Variants in NOTCH2NLR observed in about 807,000 individuals in gnomAD.
NOTCH2NLR encodes the protein notch 2 N-terminal like R, also known as notch 2 N-terminal like R (pseudogene).
NOTCH2NLR carries 33 observed loss-of-function variants against 35.6 expected under a neutral mutation model. The observed-to-expected ratio is 0.93, with a 90% CI of 0.70 to 1.24. The LOEUF (loss-of-function observed/expected upper bound fraction) is 1.24. NOTCH2NLR is among the 50% of genes most tolerant of loss of function. NOTCH2NLR has a pLI of 0.00. For missense variants in NOTCH2NLR, 276 were observed against 362.2 expected, an observed-to-expected ratio of 0.76 and a Z score of 1.93; for synonymous variants, 103 against 141.0, an observed-to-expected ratio of 0.73 and a Z score of 1.91.
At chr1:120,785,201 C>T in exon 3 of NOTCH2NLR, 1 of 1,445,482 alleles carries the variant, frequency 6.9e-7, no homozygotes, top group Non-Finnish European at 9.2e-7. Flanking sequence ...AGCCGGGATA[C>T]CTATGAGTGC....
intron 1 of NOTCH2NLR, among the ~76,000 whole-genome samples, chr1:120,759,149 G>C (rs1404879882): frequency 1.9e-5 from 1 of 52,480 alleles, no homozygotes; most frequent in Non-Finnish European, 3.0e-5. Flanking sequence ...ATATTAGATA[G>C]CTAGTTCCCA....
chr1:120,781,412 C>T (rs1247977930), intron 2 of NOTCH2NLR, among the ~76,000 whole-genome samples: 1 of 24,608 alleles, frequency 4.1e-5, no homozygotes, highest in Non-Finnish European at 6.5e-5. Context: ...TGTGTTAAGC[C>T]TTTTTCCATT....
chr1:120,752,519 A>AT (rs1651027767), intron 1 of NOTCH2NLR, among the ~76,000 whole-genome samples: 1 of 14,666 alleles, frequency 6.8e-5, no homozygotes, highest in African/African-American at 4.7e-4. Context: ...GAAGTTCAGG[A>AT]ATATATATAT....
chr1:120,764,139 C>T (rs1325612587), intron 2 of NOTCH2NLR, among the ~76,000 whole-genome samples: 3,492 of 110,636 alleles, frequency 0.032, 621 homozygotes, highest in African/African-American at 0.12. Flanking sequence ...CCCAGCTACT[C>T]GGGAGGCTGA....
Position 120,764,311 on chromosome 1 carries a change from G to C in NOTCH2NLR, c.155+602G>C, listed in dbSNP as rs1488259387. 1.6e-4 allele frequency among the ~76,000 whole-genome samples: 17 copies of C among 104,800 alleles called. 3 individuals carry two copies. Among genetic ancestry groups the C allele is most frequent in the Non-Finnish European group, 2.7e-4 (15 of 55,884 alleles). The allele number at this position is 104,800 out of a possible 152,430, so 68.8% of individuals were successfully genotyped here. A position where few individuals can be genotyped will look rare whatever the true frequency, so the allele number is the denominator to read the frequency against. ...GATTCCCTTGTGTTTTTCAGATTAA[G>C]GCATACTCTTAGAGTCTCCCCTTAA... On this transcript the variant is annotated intron_variant, in intron 2 of 4. Transcript: ENST00000624419.
At chr1:120,792,513 T>A (rs1651502863) in intron 3 of NOTCH2NLR, among the ~76,000 whole-genome samples, 1 of 110,526 alleles carries the variant, frequency 9.0e-6, no homozygotes, top group Non-Finnish European at 1.7e-5. Context: ...TTGATTTTTT[T>A]TTTTTTGAAA....
At chr1:120,765,405 C>T (rs1651180372) in intron 2 of NOTCH2NLR, among the ~76,000 whole-genome samples, 1 of 63,154 alleles carries the variant, frequency 1.6e-5, no homozygotes, top group Admixed American at 1.6e-4. Flanking sequence ...TAGTCTTATG[C>T]ATTTTTTGCA....
chr1:120,780,058 G>A (rs1270376771), intron 2 of NOTCH2NLR, among the ~76,000 whole-genome samples: 1 of 130,854 alleles, frequency 7.6e-6, no homozygotes, highest in African/African-American at 3.3e-5. Flanking sequence ...GATGGATTTT[G>A]TGGAACATTT....
At chr1:120,793,408 G>T in exon 4 of NOTCH2NLR, 1 of 1,441,842 alleles carries the variant, frequency 6.9e-7, no homozygotes. Context: ...GTGACAGACT[G>T]TATGTGCCCT....
At position 120,737,646 on chromosome 1, in the gene NOTCH2NLR, T is replaced by C. The variant is rs1164315925; in HGVS notation, c.73+13396T>C. 4.0e-4 allele frequency among the ~76,000 whole-genome samples: 44 copies of C among 110,344 alleles called. 8 individuals are homozygous for C. The highest frequency in any genetic ancestry group is 1.8e-3 in the African/African-American group (35 of 19,694). The allele number at this position is 110,344 out of a possible 152,430, so 72.4% of individuals were successfully genotyped here. A position where few individuals can be genotyped will look rare whatever the true frequency, so the allele number is the denominator to read the frequency against. On this transcript the variant is annotated intron_variant, in intron 1 of 4. Coordinates refer to ENST00000624419, the Ensembl canonical transcript of NOTCH2NLR. ...ATATTTAAAATTTCAATGACAGCAG[T>C]GAAAATAATTTGCCTGTGAACCTCT... is the stretch of plus-strand genomic sequence containing the variant.
At position 120,778,606 on chromosome 1, in the gene NOTCH2NLR, G is replaced by A. The variant is rs1385546258; in HGVS notation, c.156-6368G>A. ...TTTTTTTTTGAATGGCCAAATCCTC[G>A]TTTTAAAAAAAAAAAAAAAAAAAAA... On this transcript the variant is annotated intron_variant, in intron 2 of 4. Transcript: ENST00000624419. Among the ~76,000 whole-genome samples the A allele has an allele frequency of 2.1e-3, 35 of 16,416 alleles. 6 individuals carry two copies. The highest frequency in any genetic ancestry group is 3.8e-3 in the African/African-American group (5 of 1,324). 10.8% of individuals were successfully genotyped at this position (16,416 alleles called of 152,430 possible). A position where few individuals can be genotyped will look rare whatever the true frequency, so the allele number is the denominator to read the frequency against.
intron 1 of NOTCH2NLR, among the ~76,000 whole-genome samples, chr1:120,730,860 C>G (rs1650867725): frequency 3.1e-5 from 1 of 32,128 alleles, no homozygotes; most frequent in Non-Finnish European, 5.1e-5. Context: ...TGTGTTGTCA[C>G]ACTTAATTTG....
At chr1:120,761,264 T>C (rs1253550858) in intron 1 of NOTCH2NLR, among the ~76,000 whole-genome samples, 2 of 118,480 alleles carry the variant, frequency 1.7e-5, no homozygotes, top group East Asian at 4.5e-4. Context: ...TTCTGAGTCA[T>C]GGGTGGCTGG....
intron 1 of NOTCH2NLR, among the ~76,000 whole-genome samples, chr1:120,737,583 A>G (rs1355471181): frequency 2.9e-5 from 2 of 69,104 alleles, no homozygotes; most frequent in Non-Finnish European, 5.1e-5. Flanking sequence ...ACAACAGTAG[A>G]GGAGTAGAAA....
rs1651315188 is a variant in NOTCH2NLR, at chr1:120,777,772, C to T, written c.156-7202C>T. 2.0e-5 allele frequency among the ~76,000 whole-genome samples: 2 copies of T among 101,046 alleles called. 1 individual carries two copies. The highest frequency in any genetic ancestry group is 3.6e-5 in the Non-Finnish European group (2 of 55,202). 66.3% of individuals were successfully genotyped at this position (101,046 alleles called of 152,430 possible). A position where few individuals can be genotyped will look rare whatever the true frequency, so the allele number is the denominator to read the frequency against. On this transcript the variant is annotated intron_variant, in intron 2 of 4. Transcript: ENST00000624419. ...TTTACCAGGAAGTTAACTAGAAGTC[C>T]TCATGCATGTTTTTAAAACAAAGTT... is the stretch of plus-strand genomic sequence containing the variant.
chr1:120,769,582 T>C (rs1419879619), intron 2 of NOTCH2NLR, among the ~76,000 whole-genome samples: 7 of 122,544 alleles, frequency 5.7e-5, no homozygotes, highest in South Asian at 2.4e-4. Flanking sequence ...ATGCTGTTTT[T>C]TTGGCTCATT....
intron 1 of NOTCH2NLR, among the ~76,000 whole-genome samples, chr1:120,762,465 C>T (rs1394251921): frequency 1.9e-5 from 2 of 106,624 alleles, no homozygotes; most frequent in Admixed American, 9.1e-5. Flanking sequence ...CCAGGCCTAG[C>T]GTCTCTCTGA....
chr1:120,739,951 A>T lies in NOTCH2NLR; in HGVS notation c.73+15701A>T. 5.4e-5 allele frequency among the ~76,000 whole-genome samples: 2 copies of T among 37,220 alleles called. 1 individual carries two copies. Among genetic ancestry groups the T allele is most frequent in the Non-Finnish European group, 9.8e-5 (2 of 20,442 alleles). The allele number at this position is 37,220 out of a possible 152,430, so 24.4% of individuals were successfully genotyped here. ...TATGGATCACCTAAAGAGTAGACTA[A>T]AAGTACTATTGTCTAGTAACTTCAA... On this transcript the variant is annotated intron_variant, in intron 1 of 4. Transcript: ENST00000624419.
chr1:120,792,589 C>A lies in NOTCH2NLR; in HGVS notation c.416-572C>A, dbSNP rs1239614390. On this transcript the variant is annotated intron_variant, in intron 3 of 4. Transcript: ENST00000624419. ...CAATCTCGGCTCACTGCAACCTCCG[C>A]CTCCTGGGTTCAAGTGATTCTTCTG... Among the ~76,000 whole-genome samples, 3 of 109,346 alleles carry A rather than the reference C, an allele frequency of 2.7e-5. No individual in the cohort carries two copies. The East Asian group carries it at 6.6e-4, about 24-fold the overall frequency. The allele number at this position is 109,346 out of a possible 152,430, so 71.7% of individuals were successfully genotyped here. A position where few individuals can be genotyped will look rare whatever the true frequency, so the allele number is the denominator to read the frequency against.
Sources: allele counts gnomAD v4.1 joint callset (sites outside exome capture counted in the v4.1 genomes callset), GRCh38; gene constraint gnomAD v4.1.1; transcripts MANE v1.5; gene names NCBI Gene and HGNC (gene_info 2026-07-23, HGNC 2026-07-21).